Variants in WDFY4 observed in about 807,000 individuals in gnomAD.
WDFY4 encodes WD repeat- and FYVE domain-containing protein 4.
In WDFY4, 169 loss-of-function variants were observed where a neutral mutation model predicts 351.9. The ratio of observed to expected loss-of-function variants is 0.48; its 90% CI spans 0.42 to 0.55. The LOEUF (loss-of-function observed/expected upper bound fraction) is 0.55, where lower values mean the gene tolerates loss of function less well. Among genes scored for constraint, WDFY4 ranks in the 20% least tolerant of loss-of-function variants. The pLI is 0.00. For synonymous variants in WDFY4, 1,622 were observed against 1,574.6 expected (o/e 1.03, Z -0.71); for missense variants, 3,803 against 3,935.6 (o/e 0.97, Z 0.90).
chr10:48,928,659 T>G (rs1442791963), intron 47 of WDFY4, among the ~76,000 whole-genome samples: 1 of 152,232 alleles, frequency 6.6e-6, no homozygotes, highest in Non-Finnish European at 1.5e-5. Context: ...GAATTCTTTC[T>G]GCACTTCACA....
chr10:48,831,010 A>G (rs2068171661), intron 38 of WDFY4, 125 bp downstream of exon 38: 1 of 894,326 alleles, frequency 1.1e-6, no homozygotes, highest in South Asian at 1.9e-5. Context: ...CCTTAAGTGG[A>G]TGGGATTTAT....
Position 48,914,189 on chromosome 10 carries a change from G to A in WDFY4, c.7586+12326G>A, listed in dbSNP as rs375199003. ...AGTAAGGGAGTGTTAGAAGTTTATT[G>A]TTCTGATTGGATAGTGATCAGTGTG... is the stretch of plus-strand genomic sequence containing the variant. On this transcript the variant is annotated intron_variant, in intron 47 of 61. Transcript: ENST00000325239. 47 of 1,588,964 alleles carry A rather than the reference G, an allele frequency of 3.0e-5. 1 individual carries two copies. The East Asian group carries it at 8.3e-4, about 28-fold the overall frequency.
At chr10:48,931,419 G>A (rs1217513905) in intron 47 of WDFY4, among the ~76,000 whole-genome samples, 1 of 152,196 alleles carries the variant, frequency 6.6e-6, no homozygotes, top group African/African-American at 2.4e-5. Context: ...CCCTCCAGAG[G>A]TACTCTATCA....
At chr10:48,777,332 T>G (rs1160744785) in intron 16 of WDFY4, 87 bp from the exon 17 acceptor site, 1 of 1,243,294 alleles carries the variant, frequency 8.0e-7, no homozygotes, top group East Asian at 2.5e-5. Context: ...GAGGGTAGAG[T>G]GGGAAGATGT....
intron 47 of WDFY4, among the ~76,000 whole-genome samples, chr10:48,911,454 A>T (rs1054999727): frequency 6.6e-6 from 1 of 152,228 alleles, no homozygotes; most frequent in East Asian, 1.9e-4. Flanking sequence ...AAAATATTTT[A>T]AAATGTTTTA....
chr10:48,823,938 T>C, intron 35 of WDFY4: 1 of 985,516 alleles, frequency 1.0e-6, no homozygotes, highest in South Asian at 4.7e-5. Flanking sequence ...ACTTCATGAG[T>C]AGAAACATTG....
At chr10:48,917,249 G>T (rs1838634723) in intron 47 of WDFY4, among the ~76,000 whole-genome samples, 1 of 152,182 alleles carries the variant, frequency 6.6e-6, no homozygotes, top group African/African-American at 2.4e-5. Flanking sequence ...AGTGACATGT[G>T]CCTCTATCTC....
chr10:48,828,695 A>G (rs2068084664), intron 36 of WDFY4, 83 bp from the exon 37 acceptor site: 5 of 792,426 alleles, frequency 6.3e-6, no homozygotes, highest in Non-Finnish European at 9.7e-6. Flanking sequence ...TTGGAGGATG[A>G]TTATTTGTAA....
Position 48,832,742 on chromosome 10 carries a change from T to A in WDFY4, c.6663+33T>A, listed in dbSNP as rs186476403. On this transcript the variant is annotated intron_variant, in intron 39 of 61. Coordinates refer to ENST00000325239, the MANE Select transcript of WDFY4 (RefSeq NM_001394531.1). The stretch of plus-strand genomic sequence containing the variant: ...CAGACCCCTTTTCCTCAGAAAAGTA[T>A]CAGGCATTTGCTTCAAACCCCATGA... 3.8e-3 allele frequency: 5,712 copies of A among 1,495,706 alleles called. 23 individuals are homozygous for A. Among genetic ancestry groups the A allele is most frequent in the Non-Finnish European group, 4.0e-3 (4,509 of 1,115,192 alleles). The allele number at this position is 1,495,706 out of a possible 1,614,324, so 92.7% of individuals were successfully genotyped here.
intron 24 of WDFY4, among the ~76,000 whole-genome samples, chr10:48,801,790 T>C (rs940485421): frequency 2.0e-5 from 3 of 152,260 alleles, no homozygotes; most frequent in African/African-American, 7.2e-5. Context: ...GGACAGTCTC[T>C]ACCTTCACAG....
At chr10:48,821,927 A>G (rs1340390954) in intron 34 of WDFY4, among the ~76,000 whole-genome samples, 3 of 152,196 alleles carry the variant, frequency 2.0e-5, no homozygotes, top group Admixed American at 2.0e-4. Flanking sequence ...GTCGTGGTGA[A>G]CTCACAGGGT....
intron 47 of WDFY4, 97 bp from the exon 48 acceptor site, chr10:48,941,709 A>C (rs1589961143): frequency 7.9e-7 from 1 of 1,269,114 alleles, no homozygotes; most frequent in East Asian, 2.5e-5. Flanking sequence ...TTTCCTGAAC[A>C]CCCTGGTCCC....
chr10:48,858,762 G>C (rs1401105319), intron 39 of WDFY4, among the ~76,000 whole-genome samples: 3 of 152,150 alleles, frequency 2.0e-5, no homozygotes, highest in Non-Finnish European at 2.9e-5. Context: ...ATTTTAATAA[G>C]AATTTTATTA....
chr10:48,925,308 C>G (rs150454205), intron 47 of WDFY4, among the ~76,000 whole-genome samples: 98 of 152,250 alleles, frequency 6.4e-4, no homozygotes, highest in African/African-American at 2.3e-3. Context: ...GGGGCTGTAT[C>G]TTCACAGATG....
intron 26 of WDFY4, 137 bp from the exon 27 acceptor site, chr10:48,805,867 C>T: frequency 5.4e-6 from 4 of 741,854 alleles, no homozygotes; most frequent in Non-Finnish European, 9.5e-6. Flanking sequence ...TGGAAATACA[C>T]AGCATGCCAT....
intron 19 of WDFY4, among the ~76,000 whole-genome samples, chr10:48,780,829 C>A (rs900429689): frequency 2.0e-5 from 3 of 152,196 alleles, no homozygotes; most frequent in Admixed American, 2.0e-4. Context: ...AAATCACCTG[C>A]AAAGGCTTTT....
intron 28 of WDFY4, among the ~76,000 whole-genome samples, chr10:48,809,513 A>T (rs2067377205): frequency 6.6e-6 from 1 of 151,906 alleles, no homozygotes; most frequent in Non-Finnish European, 1.5e-5. Context: ...CATCAACATC[A>T]TCACCATCAC....
At chr10:48,723,853 T>C (rs1276471633) in intron 5 of WDFY4, among the ~76,000 whole-genome samples, 2 of 152,066 alleles carry the variant, frequency 1.3e-5, no homozygotes, top group Non-Finnish European at 2.9e-5. Context: ...AGGATGTAAA[T>C]AGTGTTGTCA....
chr10:48,831,484 C>A (rs1473947137), intron 38 of WDFY4, among the ~76,000 whole-genome samples: 2 of 152,204 alleles, frequency 1.3e-5, no homozygotes, highest in Non-Finnish European at 1.5e-5. Context: ...GTACATCTTC[C>A]AGAATCACAA....
Sources: allele counts gnomAD v4.1 joint callset (sites outside exome capture counted in the v4.1 genomes callset), GRCh38; gene constraint gnomAD v4.1.1; transcripts MANE v1.5; gene names NCBI Gene and HGNC (gene_info 2026-07-23, HGNC 2026-07-21).